Variants in RBFOX1 observed in about 807,000 individuals in gnomAD.
RBFOX1 encodes RNA binding protein fox-1 homolog 1.
RBFOX1 carries 8 observed loss-of-function variants against 57.7 expected under a neutral mutation model. That is an observed-to-expected ratio of 0.14 (90% CI 0.08 to 0.25). The LOEUF (loss-of-function observed/expected upper bound fraction) is 0.25. Ranked by LOEUF, RBFOX1 falls within the 10% of genes least tolerant of loss-of-function variation. RBFOX1 has a pLI of 1.00. For missense variants in RBFOX1, 611 were observed against 548.5 expected (o/e 1.11, Z -1.14); for synonymous variants, 326 against 222.4 (o/e 1.47, Z -4.15).
At chr16:7,120,800 G>T (rs182509304) in intron 4 of RBFOX1, among the ~76,000 whole-genome samples, 44 of 84,984 alleles carry the variant, frequency 5.2e-4, no homozygotes, top group Admixed American at 2.6e-3. Context: ...CGAAAACCAG[G>T]CTATATGTAA....
At chr16:7,679,256 A>G (rs2074143868) in intron 14 of RBFOX1, among the ~76,000 whole-genome samples, 1 of 152,258 alleles carries the variant, frequency 6.6e-6, no homozygotes, top group African/African-American at 2.4e-5. Flanking sequence ...TGAAATTATC[A>G]GAATAGCTTT....
chr16:5,407,174 G>A (rs1448655971), intron 1 of RBFOX1, among the ~76,000 whole-genome samples: 4 of 152,028 alleles, frequency 2.6e-5, no homozygotes, highest in Non-Finnish European at 2.9e-5. Flanking sequence ...GGAAGCTGCC[G>A]TTTATAAAAC....
At chr16:7,273,555 CTT>C (rs1185124548) in intron 4 of RBFOX1, among the ~76,000 whole-genome samples, 1 of 152,130 alleles carries the variant, frequency 6.6e-6, no homozygotes, top group Non-Finnish European at 1.5e-5. Context: ...GGGTTAACCT[CTT>C]TGTGCCTTCA....
intron 2 of RBFOX1, among the ~76,000 whole-genome samples, chr16:5,532,090 T>C (rs1252379052): frequency 6.6e-6 from 1 of 152,168 alleles, no homozygotes; most frequent in Non-Finnish European, 1.5e-5. Context: ...TGAACCACCA[T>C]GCGTGACTGT....
chr16:7,554,690 C>G (rs956343516), intron 5 of RBFOX1, among the ~76,000 whole-genome samples: 1 of 151,878 alleles, frequency 6.6e-6, no homozygotes, highest in Non-Finnish European at 1.5e-5. Flanking sequence ...CACCCTACAC[C>G]TATAACTTAA....
chr16:7,086,619 C>T (rs1434397548), intron 4 of RBFOX1, among the ~76,000 whole-genome samples: 2 of 151,954 alleles, frequency 1.3e-5, no homozygotes, highest in Non-Finnish European at 2.9e-5. Flanking sequence ...TGCTTCCAAG[C>T]CGATGGATTT....
chr16:7,289,555 A>T (rs1006112550), intron 4 of RBFOX1, among the ~76,000 whole-genome samples: 1 of 152,104 alleles, frequency 6.6e-6, no homozygotes, highest in Non-Finnish European at 1.5e-5. Flanking sequence ...CAATATGATA[A>T]TGATGATCAT....
chr16:5,784,482 A>G (rs1189492689), intron 3 of RBFOX1, among the ~76,000 whole-genome samples: 1 of 152,104 alleles, frequency 6.6e-6, no homozygotes, highest in Non-Finnish European at 1.5e-5. Flanking sequence ...CAGGAGCAGC[A>G]GAGAGACGGG....
rs146348781 is a variant in RBFOX1, at chr16:7,162,802, C to G, written c.27+110704C>G. Among the ~76,000 whole-genome samples, 258 of 152,230 alleles carry G rather than the reference C, an allele frequency of 1.7e-3. 2 individuals are homozygous for G. The highest frequency in any genetic ancestry group is 6.0e-3 in the African/African-American group (250 of 41,538). On this transcript the variant is annotated intron_variant, in intron 4 of 15. Coordinates refer to ENST00000550418, the MANE Select transcript of RBFOX1 (RefSeq NM_018723.4). ...ATTGAAAACAGCTCTCCTCCTCCTC[C>G]TCTTTCTCCTTCTTCCTCATCTTTT...
chr16:6,210,442 C>A (rs2097288721), intron 1 of RBFOX1, among the ~76,000 whole-genome samples: 1 of 143,038 alleles, frequency 7.0e-6, no homozygotes, highest in Non-Finnish European at 1.5e-5. Context: ...AGAAATCTTA[C>A]AAAGGGATCA....
At chr16:5,340,354 T>C (rs1170360911) in intron 1 of RBFOX1, among the ~76,000 whole-genome samples, 3 of 152,226 alleles carry the variant, frequency 2.0e-5, no homozygotes, top group Non-Finnish European at 4.4e-5. Flanking sequence ...GGTGCCATAA[T>C]GATACTGCTT....
At chr16:6,040,861 T>C (rs2095429267) in intron 1 of RBFOX1, among the ~76,000 whole-genome samples, 1 of 152,208 alleles carries the variant, frequency 6.6e-6, no homozygotes, top group African/African-American at 2.4e-5. Flanking sequence ...CCCAAAGTGC[T>C]GGGATTACAG....
rs2052974783 is a variant in RBFOX1 at position 5,746,210 on chromosome 16, T to G, written c.319-121093T>G. On this transcript the variant is annotated intron_variant, in intron 3 of 19. Transcript: ENST00000641259. The stretch of plus-strand genomic sequence containing the variant: ...TTAAATAGGGAATCCTTCCCCCATT[T>G]CTTGTTTTTGTCAGGTTTGTCAAAG... Among the ~76,000 whole-genome samples the G allele has an allele frequency of 2.0e-5, 3 of 152,194 alleles. No homozygotes were observed. In the South Asian group the frequency reaches 6.2e-4, roughly 31 times the overall value.
chr16:7,459,833 T>G (rs528354116), intron 4 of RBFOX1, among the ~76,000 whole-genome samples: 2 of 152,304 alleles, frequency 1.3e-5, no homozygotes, highest in South Asian at 2.1e-4. Flanking sequence ...CGGGCCACCA[T>G]ACATACACAT....
At chr16:7,285,002 A>T (rs951300938) in intron 4 of RBFOX1, among the ~76,000 whole-genome samples, 2 of 149,856 alleles carry the variant, frequency 1.3e-5, no homozygotes, top group African/African-American at 4.9e-5. Context: ...GCCCAATGGA[A>T]TGCCGCCTCT....
chr16:6,916,459 G>C (rs550270461), intron 3 of RBFOX1, among the ~76,000 whole-genome samples: 7 of 151,742 alleles, frequency 4.6e-5, no homozygotes, highest in Non-Finnish European at 1.0e-4. Context: ...ATACACCTTT[G>C]GTTAACGAAA....
At chr16:6,833,711 G>A (rs142018553) in intron 3 of RBFOX1, among the ~76,000 whole-genome samples, 5 of 152,300 alleles carry the variant, frequency 3.3e-5, no homozygotes, top group Non-Finnish European at 5.9e-5. Context: ...ACCAGAGAAA[G>A]ACTCTAGATG....
chr16:6,105,096 G>C (rs1402692260), intron 1 of RBFOX1, among the ~76,000 whole-genome samples: 1 of 152,100 alleles, frequency 6.6e-6, no homozygotes, highest in Non-Finnish European at 1.5e-5. Context: ...TGGTGACTTT[G>C]CCAGAGCCAT....
intron 1 of RBFOX1, among the ~76,000 whole-genome samples, chr16:6,064,199 G>T (rs909872922): frequency 6.6e-6 from 1 of 152,100 alleles, no homozygotes; most frequent in African/African-American, 2.4e-5. Flanking sequence ...TATGAAAGGG[G>T]TTGAAAGAGA....
Sources: gnomAD v4.1 joint callset for allele counts (sites outside exome capture counted in the v4.1 genomes callset) on GRCh38, gnomAD v4.1.1 for gene constraint, MANE v1.5 for transcripts, NCBI Gene and HGNC (gene_info 2026-07-23, HGNC 2026-07-21) for gene names.